The following STAG1 variants were observed in gnomAD, a reference collection of about 807,000 sequenced individuals.
The protein encoded by STAG1 is cohesin subunit SA-1.
Under a neutral mutation model 170.9 loss-of-function variants are expected in STAG1, and 26 were observed. The observed-to-expected ratio is 0.15, with a 90% CI of 0.11 to 0.21. The LOEUF is 0.21. Among genes scored for constraint, STAG1 ranks in the 10% least tolerant of loss-of-function variants. STAG1 has a pLI of 1.00. For synonymous variants in STAG1, 514 were observed against 497.7 expected (o/e 1.03, Z -0.44); for missense variants, 964 against 1,509.5 (o/e 0.64, Z 5.99).
chr3:136,577,732 G>T (rs1298286107), intron 4 of STAG1, among the ~76,000 whole-genome samples: 1 of 152,100 alleles, frequency 6.6e-6, no homozygotes, highest in African/African-American at 2.4e-5. Context: ...TAACCCAGAA[G>T]AAAATAGCTT....
chr3:136,369,270 G>A lies in STAG1; in HGVS notation c.2383C>T (p.Leu795Phe), dbSNP rs1395384808. ...TPVKEQAFMLLCDLLMIFSHQ... is the reference protein window; with the variant it reads ...TPVKEQAFMLFCDLLMIFSHQ... ...CTGAAAATCATCAGAAGATCACAGA[G>A]TAACATGAAAGCCTGGAATACAAAG... Residue 795 changes from leucine to phenylalanine, a missense_variant, in exon 24 of 34, where the codon CTC becomes TTC. Physicochemically the swap from Leu to Phe is conservative, Grantham distance 22. This residue lies in a region of STAG1 where 232 missense variants were observed against 313.0 expected (regional missense o/e 0.74). Transcript: ENST00000383202. 2.5e-6 allele frequency: 4 copies of A among 1,588,596 alleles called. No homozygotes were observed. Among genetic ancestry groups the A allele is most frequent in the Non-Finnish European group, 8.5e-7 (1 of 1,173,168 alleles).
In STAG1 at chr3:136,743,387, T is replaced by C. The variant is rs528517807; in HGVS notation, c.-84+8808A>G. Among the ~76,000 whole-genome samples the C allele has an allele frequency of 6.0e-4, 89 of 148,120 alleles. 1 individual carries two copies. The highest frequency in any genetic ancestry group is 1.1e-3 in the Admixed American group (17 of 14,922). ...CCTTCTCAAAAAAAAAAAATAATAA[T>C]AACAATACCAGAAATTAAAGAAGAG... On this transcript the variant is annotated intron_variant, in intron 1 of 33. Transcript: ENST00000383202.
chr3:136,529,767 A>G (rs1301404127), intron 6 of STAG1, among the ~76,000 whole-genome samples: 1 of 152,188 alleles, frequency 6.6e-6, no homozygotes, highest in Non-Finnish European at 1.5e-5. Context: ...ATCAAATGAC[A>G]CTGCTACAGA....
intron 3 of STAG1, 27 bp from the exon 4 acceptor site, chr3:136,604,500 A>G: frequency 1.3e-6 from 2 of 1,576,110 alleles, no homozygotes; most frequent in Non-Finnish European, 1.7e-6. Context: ...AAAAGATTCC[A>G]TTCGATTAGG....
At chr3:136,558,464 G>A (rs1576605503) in intron 5 of STAG1, among the ~76,000 whole-genome samples, 1 of 152,188 alleles carries the variant, frequency 6.6e-6, no homozygotes, top group East Asian at 1.9e-4. Context: ...GTAATTTGTA[G>A]AAGACTTTAC....
chr3:136,623,879 C>A (rs1939971933), intron 2 of STAG1, among the ~76,000 whole-genome samples: 1 of 151,840 alleles, frequency 6.6e-6, no homozygotes, highest in Non-Finnish European at 1.5e-5. Context: ...CATTTGAACC[C>A]GCGGAGGTTG....
intron 28 of STAG1, among the ~76,000 whole-genome samples, chr3:136,354,935 G>A (rs1319399075): frequency 6.6e-6 from 1 of 151,998 alleles, no homozygotes; most frequent in Non-Finnish European, 1.5e-5. Flanking sequence ...GGAAAAAAAG[G>A]TGTACCATGC....
chr3:136,663,613 T>C (rs1450520698), intron 1 of STAG1, among the ~76,000 whole-genome samples: 1 of 152,150 alleles, frequency 6.6e-6, no homozygotes, highest in Non-Finnish European at 1.5e-5. Context: ...AATAAACTCT[T>C]AGAAAAACTG....
intron 1 of STAG1, among the ~76,000 whole-genome samples, chr3:136,637,547 C>T (rs892969212): frequency 5.3e-5 from 8 of 152,172 alleles, no homozygotes; most frequent in Non-Finnish European, 8.8e-5. Context: ...ATCTCAGTAA[C>T]ATAAACCTTA....
At chr3:136,745,149 C>T (rs1040377208) in intron 1 of STAG1, among the ~76,000 whole-genome samples, 9 of 152,254 alleles carry the variant, frequency 5.9e-5, no homozygotes, top group African/African-American at 2.2e-4. Flanking sequence ...AAGTTAAAAG[C>T]CATTGCTATT....
At chr3:136,469,292 G>A (rs528573911) in intron 12 of STAG1, among the ~76,000 whole-genome samples, 1 of 152,116 alleles carries the variant, frequency 6.6e-6, no homozygotes, top group African/African-American at 2.4e-5. Context: ...AAAGTCTCAG[G>A]ATACAAAATC....
intron 2 of STAG1, among the ~76,000 whole-genome samples, chr3:136,626,550 T>C (rs1210112827): frequency 6.6e-6 from 1 of 152,202 alleles, no homozygotes; most frequent in African/African-American, 2.4e-5. Flanking sequence ...ATATGCAATA[T>C]GCAAATTAAT....
intron 5 of STAG1, among the ~76,000 whole-genome samples, chr3:136,546,798 T>C (rs1439975554): frequency 2.0e-5 from 3 of 152,232 alleles, no homozygotes; most frequent in Non-Finnish European, 4.4e-5. Context: ...ATTGTATAAT[T>C]GGCTCCAGTT....
chr3:136,422,173 AAT>A (rs1415237637), intron 19 of STAG1, among the ~76,000 whole-genome samples: 23 of 151,170 alleles, frequency 1.5e-4, no homozygotes, highest in South Asian at 2.1e-4. Context: ...AAAAAAAAAA[AAT>A]TTCTTGAAAG....
chr3:136,360,265 TAAG>T (rs1407844604), intron 26 of STAG1, among the ~76,000 whole-genome samples: 1 of 152,210 alleles, frequency 6.6e-6, no homozygotes, highest in Non-Finnish European at 1.5e-5. Context: ...ATGTATTAGA[TAAG>T]AAGGGAGTAT....
At chr3:136,356,068 T>TG (rs959569188) in intron 28 of STAG1, among the ~76,000 whole-genome samples, 2 of 151,924 alleles carry the variant, frequency 1.3e-5, no homozygotes, top group Non-Finnish European at 2.9e-5. Context: ...TTTTTTTTTT[T>TG]TTTTTTAGAG....
chr3:136,586,030 A>C (rs1038096089), intron 4 of STAG1, among the ~76,000 whole-genome samples: 1 of 152,192 alleles, frequency 6.6e-6, no homozygotes. Flanking sequence ...CTGTATTTCA[A>C]TTCTTACTGA....
chr3:136,413,841 A>G (rs2087698330), intron 21 of STAG1, among the ~76,000 whole-genome samples: 1 of 152,206 alleles, frequency 6.6e-6, no homozygotes, highest in Admixed American at 6.5e-5. Context: ...GAAAAAATAT[A>G]CAAATACATA....
At chr3:136,731,388 T>G (rs143560183) in intron 1 of STAG1, among the ~76,000 whole-genome samples, 1 of 151,956 alleles carries the variant, frequency 6.6e-6, no homozygotes, top group African/African-American at 2.4e-5. Flanking sequence ...AAAAAGCAAA[T>G]AGAATTTGTC....
Sources: gnomAD v4.1 joint callset for allele counts (sites outside exome capture counted in the v4.1 genomes callset) on GRCh38, gnomAD v4.1.1 for gene constraint, gnomAD v4.1.1 regional missense constraint, MANE v1.5 for transcripts, NCBI Gene and HGNC (gene_info 2026-07-23, HGNC 2026-07-21) for gene names.